UBASH3B: variants seen among roughly 807,000 people sequenced by gnomAD.
UBASH3B encodes the protein ubiquitin-associated and SH3 domain-containing protein B.
UBASH3B carries 37 observed loss-of-function variants against 83.4 expected under a neutral mutation model. The ratio of observed to expected loss-of-function variants is 0.44; its 90% CI spans 0.34 to 0.58. The LOEUF is 0.58. Ranked by LOEUF, UBASH3B falls within the 20% of genes least tolerant of loss-of-function variation. The probability of loss-of-function intolerance (pLI) is 0.01; values close to 1 mark genes in which losing one functional copy is unlikely to be tolerated. For synonymous variants in UBASH3B, 304 were observed against 318.3 expected (o/e 0.96, Z 0.48); for missense variants, 657 against 827.2 (o/e 0.79, Z 2.52).
intron 1 of UBASH3B, among the ~76,000 whole-genome samples, chr11:122,681,083 A>G (rs1045004355): frequency 3.9e-5 from 6 of 152,186 alleles, no homozygotes; most frequent in African/African-American, 9.7e-5. Flanking sequence ...TAACAAATGA[A>G]GTTTCGCTAG....
At chr11:122,688,591 C>A (rs529860330) in intron 1 of UBASH3B, among the ~76,000 whole-genome samples, 1 of 149,992 alleles carries the variant, frequency 6.7e-6, no homozygotes, top group Admixed American at 6.7e-5. Context: ...GGACTACAGA[C>A]GCCCGCCACC....
intron 1 of UBASH3B, among the ~76,000 whole-genome samples, chr11:122,734,502 G>C (rs538785788): frequency 1.3e-5 from 2 of 152,102 alleles, no homozygotes; most frequent in Non-Finnish European, 2.9e-5. Context: ...GGTGGGAACT[G>C]GCTGTCCAGA....
chr11:122,674,170 G>A (rs1171516631), intron 1 of UBASH3B, among the ~76,000 whole-genome samples: 4 of 152,192 alleles, frequency 2.6e-5, no homozygotes, highest in African/African-American at 2.4e-5. Flanking sequence ...AGTCTGCTAA[G>A]TGCCCACAAA....
At chr11:122,674,530 G>A (rs1383802642) in intron 1 of UBASH3B, among the ~76,000 whole-genome samples, 7 of 151,592 alleles carry the variant, frequency 4.6e-5, no homozygotes, top group African/African-American at 1.5e-4. Context: ...ACAGGCGCCC[G>A]CCACCACACC....
intron 11 of UBASH3B, among the ~76,000 whole-genome samples, chr11:122,804,661 C>T (rs770502674): frequency 5.9e-5 from 9 of 152,106 alleles, no homozygotes; most frequent in Admixed American, 5.9e-4. Context: ...GCAGGACACT[C>T]GCACAGAGCC....
At chr11:122,803,763 G>A (rs931246252) in intron 11 of UBASH3B, among the ~76,000 whole-genome samples, 21 of 152,282 alleles carry the variant, frequency 1.4e-4, no homozygotes, top group African/African-American at 4.6e-4. Flanking sequence ...CTGGACCACA[G>A]CAAGGTGGGG....
intron 1 of UBASH3B, among the ~76,000 whole-genome samples, chr11:122,713,808 G>A (rs562196510): frequency 1.3e-5 from 2 of 151,856 alleles, no homozygotes; most frequent in African/African-American, 4.8e-5. Flanking sequence ...AGTAGGTCTT[G>A]GGGAACATGG....
intron 1 of UBASH3B, among the ~76,000 whole-genome samples, chr11:122,766,139 T>C (rs1332208889): frequency 1.3e-5 from 2 of 152,116 alleles, no homozygotes; most frequent in African/African-American, 4.8e-5. Context: ...GAGAAGCATC[T>C]CCAAGTGAAA....
chr11:122,663,220 G>A (rs1038593634), intron 1 of UBASH3B, among the ~76,000 whole-genome samples: 22 of 152,172 alleles, frequency 1.4e-4, no homozygotes, highest in African/African-American at 5.3e-4. Context: ...CAGGCAATCC[G>A]CCTGCTTTGG....
rs117468407 is a variant in UBASH3B, at chr11:122,710,778, C to T, written c.161+54568C>T. Among the ~76,000 whole-genome samples the T allele has an allele frequency of 1.1e-4, 16 of 151,860 alleles. No individual in the cohort carries two copies. In the East Asian group the frequency reaches 1.5e-3, roughly 15 times the overall value. ...CAATGGGAACACAGAAAGCCCATGCCGCATACCACTTCCCTAGAGCTTTTG... is the reference window on the plus strand; with the variant it reads ...CAATGGGAACACAGAAAGCCCATGCTGCATACCACTTCCCTAGAGCTTTTG... On this transcript the variant is annotated intron_variant, in intron 1 of 13. Transcript: ENST00000284273.
chr11:122,704,138 G>A (rs75562380), intron 1 of UBASH3B, among the ~76,000 whole-genome samples: 2,077 of 152,310 alleles, frequency 0.014, 43 homozygotes, highest in African/African-American at 0.045. Context: ...GCAACTTACA[G>A]GAACGAAAGC....
chr11:122,772,706 C>T (rs1860667143), intron 1 of UBASH3B, among the ~76,000 whole-genome samples: 1 of 152,190 alleles, frequency 6.6e-6, no homozygotes, highest in African/African-American at 2.4e-5. Context: ...CGGAGCACTG[C>T]AAGGCCATTG....
At chr11:122,740,196 T>C (rs77099052) in intron 1 of UBASH3B, among the ~76,000 whole-genome samples, 3,002 of 152,276 alleles carry the variant, frequency 0.02, 92 homozygotes, top group African/African-American at 0.068. Flanking sequence ...TCTAAAGACA[T>C]AATTTAAGTA....
At chr11:122,749,345 T>C (rs1333486048) in intron 1 of UBASH3B, among the ~76,000 whole-genome samples, 1 of 152,274 alleles carries the variant, frequency 6.6e-6, no homozygotes, top group Admixed American at 6.5e-5. Flanking sequence ...TTATTATGCA[T>C]TTACTATATG....
At chr11:122,780,790 G>A (rs555906771) in intron 4 of UBASH3B, among the ~76,000 whole-genome samples, 1 of 152,318 alleles carries the variant, frequency 6.6e-6, no homozygotes, top group South Asian at 2.1e-4. Context: ...AGGCTGCCCT[G>A]ACCAGAGTGG....
At chr11:122,681,811 C>T (rs1274447218) in intron 1 of UBASH3B, among the ~76,000 whole-genome samples, 1 of 152,144 alleles carries the variant, frequency 6.6e-6, no homozygotes, top group African/African-American at 2.4e-5. Flanking sequence ...CTGGTAGAAG[C>T]CTGTTAGGTT....
At chr11:122,686,215 A>G (rs957639036) in intron 1 of UBASH3B, among the ~76,000 whole-genome samples, 6 of 152,236 alleles carry the variant, frequency 3.9e-5, no homozygotes, top group African/African-American at 1.4e-4. Flanking sequence ...TGCTTAGCAA[A>G]AAGTCTGCCA....
chr11:122,704,466 T>A (rs1038262805), intron 1 of UBASH3B, among the ~76,000 whole-genome samples: 3 of 151,730 alleles, frequency 2.0e-5, no homozygotes, highest in Admixed American at 1.3e-4. Context: ...GGTGGCGTGT[T>A]AGAGAGGCCA....
At chr11:122,710,957 A>T (rs1448194923) in intron 1 of UBASH3B, among the ~76,000 whole-genome samples, 2 of 152,148 alleles carry the variant, frequency 1.3e-5, no homozygotes, top group African/African-American at 4.8e-5. Context: ...ATCCCTTTTC[A>T]TTGACAGGCC....
Sources: gnomAD v4.1 joint callset for allele counts (sites outside exome capture counted in the v4.1 genomes callset) on GRCh38, gnomAD v4.1.1 for gene constraint, MANE v1.5 for transcripts, NCBI Gene and HGNC (gene_info 2026-07-23, HGNC 2026-07-21) for gene names.